AGAP1: variants seen among roughly 807,000 people sequenced by gnomAD.
AGAP1 encodes the protein ArfGAP with GTPase domain, ankyrin repeat and PH domain 1.
AGAP1 carries 29 observed loss-of-function variants against 105.3 expected under a neutral mutation model. That is an observed-to-expected ratio of 0.28 (90% CI 0.21 to 0.38). The LOEUF is 0.38. Ranked by LOEUF, AGAP1 falls within the 10% of genes least tolerant of loss-of-function variation. The probability of loss-of-function intolerance (pLI) is 1.00; values close to 1 mark genes in which losing one functional copy is unlikely to be tolerated. For missense variants in AGAP1, 998 were observed against 1,165.1 expected (o/e 0.86, Z 2.09); for synonymous variants, 509 against 485.9 (o/e 1.05, Z -0.63).
chr2:235,637,439 A>G (rs1366761085), intron 1 of AGAP1, among the ~76,000 whole-genome samples: 1 of 150,052 alleles, frequency 6.7e-6, no homozygotes, highest in African/African-American at 2.5e-5. Context: ...TGCCTAGCTA[A>G]TTGTATTATT....
rs1392885468 is a variant in AGAP1, at chr2:235,867,266, G to C, written c.1051-16079G>C. 6.6e-6 allele frequency among the ~76,000 whole-genome samples: 1 copy of C among 152,118 alleles called. No homozygotes were observed. The highest frequency in any genetic ancestry group is 6.5e-5 in the Admixed American group (1 of 15,280). Reference sequence around the variant, plus strand: ...GAGAGGAGGTATGTTAGGCTTCATGGGTCGTGTGGTTTCTCCTGAACTACC... The same window carrying C: ...GAGAGGAGGTATGTTAGGCTTCATGCGTCGTGTGGTTTCTCCTGAACTACC... On this transcript the variant is annotated intron_variant, in intron 9 of 17. Transcript: ENST00000304032. This position sits in a 1 kb window ranked among gnomAD's most constrained non-coding sequence, Gnocchi z 5.4.
chr2:235,565,159 C>T (rs1437919349), intron 1 of AGAP1, among the ~76,000 whole-genome samples: 2 of 151,324 alleles, frequency 1.3e-5, no homozygotes, highest in African/African-American at 4.9e-5. Flanking sequence ...AGGTGTGAGC[C>T]TGGACCACCA....
intron 10 of AGAP1, among the ~76,000 whole-genome samples, chr2:235,899,402 A>G (rs1441758871): frequency 2.0e-5 from 3 of 152,146 alleles, no homozygotes; most frequent in African/African-American, 4.8e-5. Flanking sequence ...AATCCCAGCT[A>G]CTTGGGAGGC....
intron 1 of AGAP1, among the ~76,000 whole-genome samples, chr2:235,501,450 G>T (rs903270428): frequency 6.6e-6 from 1 of 152,160 alleles, no homozygotes; most frequent in Non-Finnish European, 1.5e-5. Flanking sequence ...GCGCGTTTCT[G>T]TAAAAGACAG....
At chr2:235,896,836 C>A (rs1236517370) in intron 10 of AGAP1, among the ~76,000 whole-genome samples, 1 of 152,204 alleles carries the variant, frequency 6.6e-6, no homozygotes, top group Non-Finnish European at 1.5e-5. Flanking sequence ...ACTAAAAACT[C>A]ACTGGTGTTA....
chr2:235,857,669 ACCT>A (rs2048746119), intron 9 of AGAP1, among the ~76,000 whole-genome samples: 2 of 152,158 alleles, frequency 1.3e-5, no homozygotes, highest in Non-Finnish European at 2.9e-5. Context: ...ACAGAAGAGC[ACCT>A]CCTCGGTTTG....
rs987634440 is a variant in AGAP1 at position 236,009,960 on chromosome 2, G to A, written c.1646-26601G>A. 4.6e-5 allele frequency among the ~76,000 whole-genome samples: 7 copies of A among 152,156 alleles called. No homozygotes were observed. The highest frequency in any genetic ancestry group is 1.4e-4 in the African/African-American group (6 of 41,442). On this transcript the variant is annotated intron_variant, in intron 13 of 17. Coordinates refer to ENST00000304032, the MANE Select transcript of AGAP1 (RefSeq NM_001037131.3). This position sits in a 1 kb window ranked among gnomAD's most constrained non-coding sequence, Gnocchi z 4.2. ...GTTTCCTGGTACAATGATGGAGGAAGAGTTTGGAATAAAACCCTGCTCGTT... is the reference window on the plus strand; with the variant it reads ...GTTTCCTGGTACAATGATGGAGGAAAAGTTTGGAATAAAACCCTGCTCGTT...
At chr2:235,606,011 A>G (rs1354678960) in intron 1 of AGAP1, among the ~76,000 whole-genome samples, 2 of 152,250 alleles carry the variant, frequency 1.3e-5, no homozygotes, top group Admixed American at 1.3e-4. Flanking sequence ...ACTTTCTCCA[A>G]TAAGTATGTG....
Position 236,046,936 on chromosome 2 carries a change from T to C in AGAP1, c.1892-2123T>C, listed in dbSNP as rs762452529. ...TTGCTTGAGCCCAGTGGTTGAAGCC[T>C]GGGCAACATAGCAAGACCCCATCTG... On this transcript the variant is annotated intron_variant, in intron 15 of 17. Coordinates refer to ENST00000304032, the MANE Select transcript of AGAP1 (RefSeq NM_001037131.3). The surrounding 1 kb of genome is among the most constrained non-coding windows in gnomAD (Gnocchi z 5.2). 6.6e-6 allele frequency among the ~76,000 whole-genome samples: 1 copy of C among 152,172 alleles called. No individual in the cohort carries two copies. Among genetic ancestry groups the C allele is most frequent in the Non-Finnish European group, 1.5e-5 (1 of 68,024 alleles).
In AGAP1 at chr2:236,083,393, G is replaced by A. The variant is rs1475929928; in HGVS notation, c.2114+34112G>A. On this transcript the variant is annotated intron_variant, in intron 16 of 17. Coordinates refer to ENST00000304032, the MANE Select transcript of AGAP1 (RefSeq NM_001037131.3). The surrounding 1 kb of genome is among the most constrained non-coding windows in gnomAD (Gnocchi z 5.3). ...AGGCTGATATTTTCTCTAAAGGAAA[G>A]ATTAAAGGATTGTTTTCATTTTATT... Among the ~76,000 whole-genome samples the A allele has an allele frequency of 4.6e-5, 7 of 152,208 alleles. No homozygotes were observed. Among genetic ancestry groups the A allele is most frequent in the Admixed American group, 3.9e-4 (6 of 15,284 alleles).
At chr2:235,503,569 C>CT (rs762869962) in intron 1 of AGAP1, among the ~76,000 whole-genome samples, 18 of 151,980 alleles carry the variant, frequency 1.2e-4, no homozygotes, top group Non-Finnish European at 1.9e-4. Context: ...ACTTCAAACT[C>CT]TTTTATTTCT....
Position 235,981,431 on chromosome 2 carries a change from TAA to T in AGAP1, c.1645+12809_1645+12810del, listed in dbSNP as rs1224423708. On this transcript the variant is annotated intron_variant, in intron 13 of 17. Coordinates refer to ENST00000304032, the MANE Select transcript of AGAP1 (RefSeq NM_001037131.3). This position sits in a 1 kb window ranked among gnomAD's most constrained non-coding sequence, Gnocchi z 5.5. ...CCCTAAGAGAGCTGACCAGAATTTC[TAA>T]GTTCATGTTCCATGCGTACACACAC... is the stretch of plus-strand genomic sequence containing the variant. 6.7e-6 allele frequency among the ~76,000 whole-genome samples: 1 copy of T among 149,864 alleles called. No homozygotes were observed. Among genetic ancestry groups the T allele is most frequent in the Non-Finnish European group, 1.5e-5 (1 of 67,764 alleles).
chr2:235,598,083 C>T (rs1448788935), intron 1 of AGAP1, among the ~76,000 whole-genome samples: 2 of 149,680 alleles, frequency 1.3e-5, no homozygotes, highest in Non-Finnish European at 3.0e-5. Flanking sequence ...CACGCGCTCC[C>T]GTGTTTCCTT....
intron 1 of AGAP1, among the ~76,000 whole-genome samples, chr2:235,511,740 C>T (rs1172415505): frequency 1.4e-5 from 2 of 146,954 alleles, no homozygotes; most frequent in African/African-American, 5.1e-5. Flanking sequence ...GGAGAAAAAC[C>T]CATGTAATTT....
In AGAP1 at chr2:236,120,454, G is replaced by A. The variant is rs764658228; in HGVS notation, c.2370+7G>A. 1 of 1,611,096 alleles carries A rather than the reference G, an allele frequency of 6.2e-7. No homozygotes were observed. The highest frequency in any genetic ancestry group is 8.5e-7 in the Non-Finnish European group (1 of 1,179,722). ...GGCGCAGCTCCTGATCTGGGTAGGT[G>A]GTCGGCACGCCTGGCAGAGGACGGG... On this transcript the variant is annotated splice_region_variant and intron_variant, in intron 17 of 17. Transcript: ENST00000304032. This position sits in a 1 kb window ranked among gnomAD's most constrained non-coding sequence, Gnocchi z 6.0.
At chr2:235,617,437 C>T (rs978870382) in intron 1 of AGAP1, among the ~76,000 whole-genome samples, 1 of 152,116 alleles carries the variant, frequency 6.6e-6, no homozygotes, top group East Asian at 1.9e-4. Flanking sequence ...TGCGGTGGCT[C>T]ACACCTGTAA....
chr2:235,630,034 C>T (rs1946776568), intron 1 of AGAP1, among the ~76,000 whole-genome samples: 1 of 151,988 alleles, frequency 6.6e-6, no homozygotes, highest in Admixed American at 6.6e-5. Context: ...TGTCTGATTA[C>T]ATTTAATTTT....
At chr2:236,019,781 G>T (rs1040281796) in intron 13 of AGAP1, among the ~76,000 whole-genome samples, 1 of 152,218 alleles carries the variant, frequency 6.6e-6, no homozygotes, top group African/African-American at 2.4e-5. Context: ...CTCCAGCAGA[G>T]GAAGAAGGCA....
At chr2:235,504,042 C>T (rs538335630) in intron 1 of AGAP1, among the ~76,000 whole-genome samples, 3 of 152,276 alleles carry the variant, frequency 2.0e-5, no homozygotes, top group East Asian at 1.9e-4. Context: ...CCACCATGCC[C>T]GACTAATTTT....
Sources: gnomAD v4.1 joint callset for allele counts (sites outside exome capture counted in the v4.1 genomes callset) on GRCh38, gnomAD v4.1.1 for gene constraint, Gnocchi (gnomAD v3.1) non-coding constraint, MANE v1.5 for transcripts, NCBI Gene and HGNC (gene_info 2026-07-23, HGNC 2026-07-21) for gene names.